Variants in PLA2G2C observed in about 807,000 individuals in gnomAD.
PLA2G2C encodes phospholipase A2 group IIC, also known as putative inactive group IIC secretory phospholipase A2.
PLA2G2C carries 15 observed loss-of-function variants against 14.3 expected under a neutral mutation model. That is an observed-to-expected ratio of 1.05 (90% CI 0.70 to 1.62). The LOEUF (loss-of-function observed/expected upper bound fraction) is 1.62. Among genes scored for constraint, PLA2G2C ranks in the 40% most tolerant of loss-of-function variants. The probability of loss-of-function intolerance (pLI) is 0.00; values close to 1 mark genes in which losing one functional copy is unlikely to be tolerated. For synonymous variants in PLA2G2C, 79 were observed against 67.7 expected (o/e 1.17, Z -0.82); for missense variants, 162 against 173.2 (o/e 0.94, Z 0.36).
At chr1:20,165,856 G>A (rs183284020) in intron 4 of PLA2G2C, among the ~76,000 whole-genome samples, 1 of 152,280 alleles carries the variant, frequency 6.6e-6, no homozygotes, top group East Asian at 1.9e-4. Context: ...GGGCTCTCAG[G>A]TACAGCTTCC....
intron 2 of PLA2G2C, among the ~76,000 whole-genome samples, chr1:20,176,867 C>A (rs2018193472): frequency 6.6e-6 from 1 of 152,156 alleles, no homozygotes; most frequent in South Asian, 2.1e-4. Flanking sequence ...GGTAAGCAAT[C>A]GGATCTCCCG....
At chr1:20,181,678 C>T (rs574652169) in intron 1 of PLA2G2C, among the ~76,000 whole-genome samples, 12 of 152,210 alleles carry the variant, frequency 7.9e-5, no homozygotes, top group South Asian at 2.1e-4. Flanking sequence ...GCCCAGCAGC[C>T]GGACAGGAAT....
intron 2 of PLA2G2C, among the ~76,000 whole-genome samples, chr1:20,176,404 G>C (rs924314517): frequency 3.3e-5 from 5 of 152,172 alleles, no homozygotes; most frequent in Non-Finnish European, 5.9e-5. Context: ...TTAACTATAA[G>C]CATGTAGTAA....
intron 2 of PLA2G2C, among the ~76,000 whole-genome samples, chr1:20,176,926 T>A (rs2018195744): frequency 6.6e-6 from 1 of 152,230 alleles, no homozygotes; most frequent in African/African-American, 2.4e-5. Context: ...ACCATAAAAA[T>A]GTCTTTCTGA....
chr1:20,177,574 C>G (rs748384318), intron 1 of PLA2G2C, 135 bp from the exon 2 acceptor site: 1 of 429,620 alleles, frequency 2.3e-6, no homozygotes, highest in African/African-American at 2.0e-5. Context: ...AATGTGGTAA[C>G]CTTTCTGGCA....
chr1:20,165,666 A>ACATGTGTGTG (rs1361345037), intron 4 of PLA2G2C, among the ~76,000 whole-genome samples: 1 of 152,036 alleles, frequency 6.6e-6, no homozygotes, highest in South Asian at 2.1e-4. Context: ...GTGTGCATGC[A>ACATGTGTGTG]CATGTGTGTG....
chr1:20,175,042 A>C lies in PLA2G2C; in HGVS notation c.144T>G (p.Leu48=). 1 of 1,613,964 alleles carries C rather than the reference A, an allele frequency of 6.2e-7. No homozygotes were observed. Among genetic ancestry groups the C allele is most frequent in the Non-Finnish European group, 8.5e-7 (1 of 1,179,872 alleles). ...SYYGYGCYCG[L]GDKGIPVDDT... ...CATCCACGGGGATCCCTTTATCCCC[A>C]AGCCCACAGTAGCAGCCATATCCGT... The change falls in exon 3 of 5, where the codon CTT becomes CTG. Residue 48 remains leucine (L), a synonymous_variant. Transcript: ENST00000679259.
rs938291712 is a variant in PLA2G2C at position 20,163,096 on chromosome 1, T to C, written c.*895A>G. On this transcript the variant is annotated 3_prime_UTR_variant, in exon 5 of 5. Transcript: ENST00000679259. ...CCTTTATTTAGCTCACAATTCTGCA[T>C]GTTGGCAGTTTAGCCTGGGCTCAGC... 1 of 152,392 alleles carries C rather than the reference T, an allele frequency of 6.6e-6. No individual in the cohort carries two copies. Among genetic ancestry groups the C allele is most frequent in the Non-Finnish European group, 1.5e-5 (1 of 68,054 alleles). The allele number at this position is 152,392 out of a possible 1,614,324, so 9.4% of individuals were successfully genotyped here.
chr1:20,173,183 GCA>G (rs1192505664), intron 3 of PLA2G2C, among the ~76,000 whole-genome samples: 5 of 151,598 alleles, frequency 3.3e-5, no homozygotes, highest in African/African-American at 1.2e-4. Context: ...AGGCATGGTG[GCA>G]CCAGCCTGTG....
intron 4 of PLA2G2C, among the ~76,000 whole-genome samples, chr1:20,167,993 C>A (rs1400245125): frequency 6.6e-6 from 1 of 152,220 alleles, no homozygotes; most frequent in Non-Finnish European, 1.5e-5. Context: ...CTTTTTGGAA[C>A]ACAAGCTCCT....
intron 3 of PLA2G2C, 142 bp from the exon 4 acceptor site, chr1:20,173,039 T>C: frequency 1.6e-6 from 1 of 611,224 alleles, no homozygotes; most frequent in South Asian, 2.0e-5. Context: ...CCAGGTGTGG[T>C]GGCTCATGCC....
intron 1 of PLA2G2C, among the ~76,000 whole-genome samples, chr1:20,179,623 C>G (rs377394372): frequency 9.8e-4 from 137 of 140,138 alleles, no homozygotes; most frequent in African/African-American, 3.4e-3. Context: ...GTGTCAGTTT[C>G]TGTGTGTGTG....
chr1:20,180,856 C>G (rs2018268492), intron 1 of PLA2G2C, among the ~76,000 whole-genome samples: 1 of 152,248 alleles, frequency 6.6e-6, no homozygotes, highest in Non-Finnish European at 1.5e-5. Context: ...TCCCTAGACG[C>G]CACCATCTGG....
intron 4 of PLA2G2C, among the ~76,000 whole-genome samples, chr1:20,170,605 G>A (rs112939665): frequency 0.012 from 1,898 of 152,186 alleles, 41 homozygotes; most frequent in African/African-American, 0.042. Context: ...AGATCACCTC[G>A]CTCTCAGCCC....
At chr1:20,176,677 G>A (rs567505868) in intron 2 of PLA2G2C, among the ~76,000 whole-genome samples, 69 of 152,286 alleles carry the variant, frequency 4.5e-4, no homozygotes, top group African/African-American at 1.6e-3. Flanking sequence ...CTCACTGTGG[G>A]GAAAGGAAGT....
At chr1:20,184,569 C>G (rs2018334163) in intron 1 of PLA2G2C, 1 of 152,312 alleles carries the variant, frequency 6.6e-6, no homozygotes, top group Non-Finnish European at 1.5e-5. Context: ...CTGAGACGAG[C>G]AGAAACACCA....
chr1:20,174,889 T>C (rs768472559), intron 3 of PLA2G2C, 118 bp downstream of exon 3: 145 of 1,068,568 alleles, frequency 1.4e-4, no homozygotes, highest in Non-Finnish European at 1.8e-4. Flanking sequence ...TTCCTTCCAT[T>C]AGCCTGAGTT....
chr1:20,177,136 C>G (rs2018199668), intron 2 of PLA2G2C, among the ~76,000 whole-genome samples, 188 bp downstream of exon 2: 2 of 152,188 alleles, frequency 1.3e-5, no homozygotes, highest in Admixed American at 1.3e-4. Flanking sequence ...GATCCCAACA[C>G]TGGGATCAGC....
Position 20,163,688 on chromosome 1 carries a change from A to C in PLA2G2C, c.*303T>G, listed in dbSNP as rs2017908944. ...TTTGTTTTACTGCATCATAGCACTT[A>C]CTACAGTCTAATGTGTCTCTTACTT... On this transcript the variant is annotated 3_prime_UTR_variant, in exon 5 of 5. Coordinates refer to ENST00000679259, the MANE Select transcript of PLA2G2C (RefSeq NM_001367969.2). The C allele has an allele frequency of 6.9e-6, 2 of 290,690 alleles. No individual in the cohort carries two copies. Among genetic ancestry groups the C allele is most frequent in the Non-Finnish European group, 1.3e-5 (2 of 156,700 alleles). 18.0% of individuals were successfully genotyped at this position (290,690 alleles called of 1,614,324 possible).
Sources: gnomAD v4.1 joint callset for allele counts (sites outside exome capture counted in the v4.1 genomes callset) on GRCh38, gnomAD v4.1.1 for gene constraint, MANE v1.5 for transcripts, NCBI Gene and HGNC (gene_info 2026-07-23, HGNC 2026-07-21) for gene names.